IRF8: variants seen among roughly 807,000 people sequenced by gnomAD.
The protein encoded by IRF8 is interferon regulatory factor 8, also known as interferon consensus sequence binding protein 1.
In IRF8, 14 loss-of-function variants were observed where a neutral mutation model predicts 48.7. The ratio of observed to expected loss-of-function variants is 0.29; its 90% confidence interval spans 0.19 to 0.45. IRF8 has a LOEUF of 0.45. Ranked by LOEUF, IRF8 falls within the 20% of genes least tolerant of loss-of-function variation. IRF8 has a pLI of 1.00. For missense variants in IRF8, 493 were observed against 580.7 expected, an observed-to-expected ratio of 0.85 and a Z score of 1.55; for synonymous variants, 278 against 227.3, an observed-to-expected ratio of 1.22 and a Z score of -2.01.
chr16:85,902,519 G>T (rs1315190532), intron 1 of IRF8, among the ~76,000 whole-genome samples: 1 of 152,230 alleles, frequency 6.6e-6, no homozygotes, highest in Non-Finnish European at 1.5e-5. Context: ...TGGCCTGAGG[G>T]CCTCCTCTTT....
intron 3 of IRF8, 30 bp downstream of exon 3, chr16:85,909,203 C>T: frequency 1.3e-6 from 2 of 1,595,114 alleles, no homozygotes; most frequent in South Asian, 1.1e-5. Flanking sequence ...ATGAAACCTT[C>T]CAGAAGCTGC....
At position 85,911,533 on chromosome 16, in the gene IRF8, G is replaced by A. The variant is rs191088908; in HGVS notation, c.359-37G>A. On this transcript the variant is annotated intron_variant, in intron 3 of 8. Coordinates refer to ENST00000268638, the MANE Select transcript of IRF8 (RefSeq NM_002163.4). ...CTTCAGCAAAGGCTGTGATGCCTCC[G>A]TGCCATGTGTCATGGTGTTTGTCTG... 1.6e-3 allele frequency: 2,464 copies of A among 1,559,018 alleles called. 8 individuals carry two copies. Among genetic ancestry groups the A allele is most frequent in the Non-Finnish European group, 1.6e-3 (1,843 of 1,130,128 alleles).
Position 85,908,984 on chromosome 16 carries a change from C to G in IRF8, c.175-6C>G, listed in dbSNP as rs1415536848. On this transcript the variant is annotated splice_polypyrimidine_tract_variant and splice_region_variant and intron_variant, in intron 2 of 8. Transcript: ENST00000268638. ...GAATTTAATGTGCTTCTGTTTCTTTCTTCAGGCCTGGGCAGTTTTTAAAGG... is the reference window on the plus strand; with the variant it reads ...GAATTTAATGTGCTTCTGTTTCTTTGTTCAGGCCTGGGCAGTTTTTAAAGG... The G allele has an allele frequency of 6.2e-7, 1 of 1,613,436 alleles. No individual in the cohort carries two copies. The highest frequency in any genetic ancestry group is 1.1e-5 in the South Asian group (1 of 91,068).
At chr16:85,916,762 G>A (rs1374461148) in intron 6 of IRF8, among the ~76,000 whole-genome samples, 2 of 152,234 alleles carry the variant, frequency 1.3e-5, no homozygotes, top group African/African-American at 4.8e-5. Context: ...CAGGGTAAAG[G>A]GAGGGGAGTG....
At chr16:85,903,334 A>G (rs956885511) in intron 2 of IRF8, 145 bp downstream of exon 2, 14 of 763,320 alleles carry the variant, frequency 1.8e-5, no homozygotes, top group Non-Finnish European at 2.8e-5. Context: ...GGAGTGCTGA[A>G]TGTGTCTCAG....
chr16:85,912,484 C>G (rs969980013), intron 4 of IRF8, among the ~76,000 whole-genome samples: 6 of 152,138 alleles, frequency 3.9e-5, no homozygotes, highest in Non-Finnish European at 8.8e-5. Context: ...CCCGAACGGC[C>G]TTGCTCTTCT....
At chr16:85,919,173 C>T (rs757688482) in intron 7 of IRF8, among the ~76,000 whole-genome samples, 5 of 152,184 alleles carry the variant, frequency 3.3e-5, no homozygotes, top group African/African-American at 1.2e-4. Flanking sequence ...CCACAAGATC[C>T]GAACCTGCAT....
chr16:85,907,146 A>C (rs988766073), intron 2 of IRF8, among the ~76,000 whole-genome samples: 2 of 152,238 alleles, frequency 1.3e-5, no homozygotes, highest in African/African-American at 4.8e-5. Flanking sequence ...TGAGGAAACT[A>C]CCACTTATGC....
chr16:85,920,203 C>G lies in IRF8; in HGVS notation c.1083C>G (p.Arg361=). The G allele has an allele frequency of 6.3e-7, 1 of 1,591,008 alleles. No homozygotes were observed. The highest frequency in any genetic ancestry group is 8.6e-7 in the Non-Finnish European group (1 of 1,160,258). The change falls in exon 8 of 9, where the codon CGC becomes CGG. Residue 361 remains arginine (R), a synonymous_variant. Coordinates refer to ENST00000268638, the MANE Select transcript of IRF8 (RefSeq NM_002163.4). ...GEEFPDMAPL[R]SKLILVQIEQ... is the part of the protein sequence containing the mutation. ...AGTTTCCGGATATGGCCCCCTTGCGCTCCAAACTCATTCTCGTGCAGGTAA... is the reference window on the plus strand; with the variant it reads ...AGTTTCCGGATATGGCCCCCTTGCGGTCCAAACTCATTCTCGTGCAGGTAA...
rs778129733 is a variant in IRF8, at chr16:85,918,618, G to A, written c.803G>A (p.Arg268Gln). 5.6e-6 allele frequency: 9 copies of A among 1,607,820 alleles called. No homozygotes were observed. The highest frequency in any genetic ancestry group is 1.3e-5 in the African/African-American group (1 of 74,926). Residue 268 changes from arginine (R) to glutamine (Q), a missense_variant, in exon 7 of 9, where the codon CGG becomes CAG. Transcript: ENST00000268638. ...AGCGAGCGACAGAGGCAGGTGACGC[G>A]GAAGCTGTTCGGGCACCTGGAGCGC... ...IPSERQRQVT[R>Q]KLFGHLERGV...
chr16:85,908,776 C>T (rs765358635), intron 2 of IRF8, among the ~76,000 whole-genome samples: 2 of 152,142 alleles, frequency 1.3e-5, no homozygotes, highest in Non-Finnish European at 2.9e-5. Flanking sequence ...TGGGGGACCC[C>T]CTCCCTGGCT....
intron 4 of IRF8, among the ~76,000 whole-genome samples, 176 bp from the exon 5 acceptor site, chr16:85,912,955 A>G (rs1299456051): frequency 2.6e-5 from 4 of 152,246 alleles, no homozygotes; most frequent in Non-Finnish European, 4.4e-5. Context: ...TAAGCCTGGT[A>G]GATTTAAGGC....
At chr16:85,908,880 C>A in intron 2 of IRF8, 110 bp from the exon 3 acceptor site, 1 of 962,944 alleles carries the variant, frequency 1.0e-6, no homozygotes, top group Non-Finnish European at 1.7e-6. Flanking sequence ...GAGTTGATGG[C>A]CAACAAAGAT....
chr16:85,913,655 G>C (rs1230460591), intron 5 of IRF8, among the ~76,000 whole-genome samples: 1 of 152,230 alleles, frequency 6.6e-6, no homozygotes, highest in Admixed American at 6.5e-5. Context: ...CAGAACCAAA[G>C]AGAGCCCAGG....
intron 8 of IRF8, among the ~76,000 whole-genome samples, chr16:85,920,577 C>T (rs952053983): frequency 6.6e-6 from 1 of 152,082 alleles, no homozygotes; most frequent in African/African-American, 2.4e-5. Context: ...GTCTCCTGGC[C>T]CTGTCATGTA....
Position 85,903,061 on chromosome 16 carries a change from G to A in IRF8, c.46G>A (p.Glu16Lys), listed in dbSNP as rs1347366121. The change falls in exon 2 of 9, where the codon GAG becomes AAG. Residue 16 changes from glutamate (E) to lysine (K), a missense_variant. Transcript: ENST00000268638. ...GGRRLRQWLI[E>K]QIDSSMYPGL... Reference sequence around the variant, plus strand: ...TCGGCGGCTTCGACAGTGGCTGATCGAGCAGATTGACAGTAGCATGTATCC... The same window carrying A: ...TCGGCGGCTTCGACAGTGGCTGATCAAGCAGATTGACAGTAGCATGTATCC... 1.9e-6 allele frequency: 3 copies of A among 1,614,202 alleles called. No homozygotes were observed. Among genetic ancestry groups the A allele is most frequent in the South Asian group, 1.1e-5 (1 of 91,070 alleles).
chr16:85,901,401 AG>A (rs1461239465), intron 1 of IRF8, among the ~76,000 whole-genome samples: 2 of 152,080 alleles, frequency 1.3e-5, no homozygotes, highest in East Asian at 3.9e-4. Context: ...CTGATGTGGG[AG>A]GATCACTTGA....
In IRF8 at chr16:85,921,063, G is replaced by A; in HGVS notation, c.1105-43G>A. The stretch of plus-strand genomic sequence containing the variant: ...TCAAAGACAGTGCCCACCCCCTTTG[G>A]AGCCTCCGCCTCTGCCTCTGACTTT... On this transcript the variant is annotated intron_variant, in intron 8 of 8. Transcript: ENST00000268638. The A allele has an allele frequency of 1.9e-6, 3 of 1,573,628 alleles. No individual in the cohort carries two copies. In the South Asian group the frequency reaches 3.4e-5, roughly 18 times the overall value.
intron 2 of IRF8, among the ~76,000 whole-genome samples, chr16:85,908,784 G>C (rs868710816): frequency 2.6e-5 from 4 of 152,162 alleles, no homozygotes; most frequent in African/African-American, 9.7e-5. Flanking sequence ...CCCCTCCCTG[G>C]CTTGGGTCTT....
Sources: allele counts gnomAD v4.1 joint callset (sites outside exome capture counted in the v4.1 genomes callset), GRCh38; gene constraint gnomAD v4.1.1; transcripts MANE v1.5; gene names NCBI Gene and HGNC (gene_info 2026-07-23, HGNC 2026-07-21).